Variants in PCDH9 observed in about 807,000 individuals in gnomAD.
PCDH9 encodes the protein protocadherin-9.
In PCDH9, 24 loss-of-function variants were observed where a neutral mutation model predicts 70.6. That is an observed-to-expected ratio of 0.34 (90% CI 0.25 to 0.48). The LOEUF is 0.48. PCDH9 is among the 20% of genes least tolerant of loss of function. The probability of loss-of-function intolerance (pLI) is 0.99; values close to 1 mark genes in which losing one functional copy is unlikely to be tolerated. For missense variants in PCDH9, 1,281 were observed against 1,503.6 expected, an observed-to-expected ratio of 0.85 and a Z score of 2.45; for synonymous variants, 562 against 558.5, an observed-to-expected ratio of 1.01 and a Z score of -0.09.
chr13:66,416,918 G>C (rs887049567), intron 4 of PCDH9, among the ~76,000 whole-genome samples: 1 of 152,166 alleles, frequency 6.6e-6, no homozygotes, highest in African/African-American at 2.4e-5. Flanking sequence ...AAGGAGATGT[G>C]CATCCCAAGG....
intron 3 of PCDH9, among the ~76,000 whole-genome samples, chr13:66,872,848 G>C (rs1328486024): frequency 6.6e-6 from 1 of 152,030 alleles, no homozygotes; most frequent in Non-Finnish European, 1.5e-5. Context: ...TCTGAAATCA[G>C]AAATATTTTT....
intron 3 of PCDH9, among the ~76,000 whole-genome samples, chr13:66,747,349 TCAAAA>T (rs60690085): frequency 0.06 from 8,790 of 147,232 alleles, 890 homozygotes; most frequent in African/African-American, 0.2. Flanking sequence ...AGACGCCATC[TCAAAA>T]CAAAACAAAA....
intron 3 of PCDH9, among the ~76,000 whole-genome samples, chr13:66,787,486 G>A (rs954663403): frequency 2.0e-5 from 3 of 151,722 alleles, no homozygotes; most frequent in Non-Finnish European, 2.9e-5. Flanking sequence ...CATGGTAGCG[G>A]GTACCTTTAA....
At chr13:66,965,412 A>G (rs2083414642) in intron 2 of PCDH9, among the ~76,000 whole-genome samples, 1 of 151,884 alleles carries the variant, frequency 6.6e-6, no homozygotes, top group Non-Finnish European at 1.5e-5. Flanking sequence ...AATTTATCCA[A>G]TTTTCATCTT....
At chr13:66,742,903 A>G (rs1411430368) in intron 3 of PCDH9, among the ~76,000 whole-genome samples, 161 of 120,912 alleles carry the variant, frequency 1.3e-3, no homozygotes, top group Admixed American at 2.7e-3. Context: ...GTGGGACTGT[A>G]AACTAGTTCA....
intron 4 of PCDH9, among the ~76,000 whole-genome samples, chr13:66,583,274 C>G (rs1018379771): frequency 1.3e-5 from 2 of 151,978 alleles, no homozygotes; most frequent in African/African-American, 4.8e-5. Context: ...TTAACTTACT[C>G]GATTATAATT....
chr13:66,795,003 A>ACACAC (rs1555269744), intron 3 of PCDH9, among the ~76,000 whole-genome samples: 3 of 151,626 alleles, frequency 2.0e-5, no homozygotes, highest in African/African-American at 4.8e-5. Context: ...ACACACACAC[A>ACACAC]AATTGAAATA....
intron 2 of PCDH9, among the ~76,000 whole-genome samples, chr13:67,093,678 G>C (rs995485784): frequency 6.6e-6 from 1 of 152,092 alleles, no homozygotes; most frequent in Admixed American, 6.6e-5. Context: ...GGCTACTAAA[G>C]TCAATACCTG....
At chr13:66,801,969 T>A (rs1296541206) in intron 3 of PCDH9, among the ~76,000 whole-genome samples, 1 of 150,752 alleles carries the variant, frequency 6.6e-6, no homozygotes, top group African/African-American at 2.4e-5. Context: ...ATTTCTAATT[T>A]TCATTGCATG....
intron 3 of PCDH9, among the ~76,000 whole-genome samples, chr13:66,696,427 C>T (rs888501361): frequency 3.9e-5 from 6 of 152,088 alleles, no homozygotes; most frequent in African/African-American, 1.2e-4. Flanking sequence ...ATAAGGTAAA[C>T]GTCTTAAAAT....
At chr13:66,967,910 T>C (rs2083456909) in intron 2 of PCDH9, among the ~76,000 whole-genome samples, 1 of 151,990 alleles carries the variant, frequency 6.6e-6, no homozygotes. Context: ...CTGGCATGTA[T>C]TCAGTTCATG....
Position 66,309,382 on chromosome 13 carries a change from T to C in PCDH9, c.3341-4354A>G, listed in dbSNP as rs959739398. 2.0e-5 allele frequency among the ~76,000 whole-genome samples: 3 copies of C among 151,790 alleles called. No individual in the cohort carries two copies. In the East Asian group the frequency reaches 5.8e-4, roughly 29 times the overall value. On this transcript the variant is annotated intron_variant, in intron 4 of 4. Transcript: ENST00000377865. ...TCGACTGGTCTCCTAAGTCAGTCCCTGCCCTATACATGTTTATAATCTGAT... is the reference window on the plus strand; with the variant it reads ...TCGACTGGTCTCCTAAGTCAGTCCCCGCCCTATACATGTTTATAATCTGAT...
chr13:66,841,048 T>C (rs945682111), intron 3 of PCDH9, among the ~76,000 whole-genome samples: 8 of 152,196 alleles, frequency 5.3e-5, no homozygotes, highest in Non-Finnish European at 1.2e-4. Flanking sequence ...ATGAGCAGCT[T>C]AAATAAAAAC....
intron 4 of PCDH9, among the ~76,000 whole-genome samples, chr13:66,569,883 C>T (rs188126083): frequency 5.3e-5 from 8 of 152,150 alleles, no homozygotes; most frequent in East Asian, 1.9e-4. Context: ...CTGCAATTGT[C>T]GTATGATTCC....
At chr13:66,850,830 G>T (rs1163478377) in intron 3 of PCDH9, among the ~76,000 whole-genome samples, 1 of 152,150 alleles carries the variant, frequency 6.6e-6, no homozygotes, top group Non-Finnish European at 1.5e-5. Flanking sequence ...AAATATTTCT[G>T]TTTGAAAATA....
At chr13:66,825,881 G>T (rs988253299) in intron 3 of PCDH9, among the ~76,000 whole-genome samples, 15 of 151,978 alleles carry the variant, frequency 9.9e-5, no homozygotes, top group African/African-American at 3.4e-4. Context: ...TATAGAAGAA[G>T]GTTATTCCTA....
chr13:66,412,807 G>A (rs1251258016), intron 4 of PCDH9, among the ~76,000 whole-genome samples: 2 of 152,156 alleles, frequency 1.3e-5, no homozygotes, highest in Non-Finnish European at 2.9e-5. Flanking sequence ...TGCTAATTGA[G>A]TAAAAGTAAT....
intron 2 of PCDH9, among the ~76,000 whole-genome samples, chr13:66,950,204 C>T (rs1365153470): frequency 2.6e-5 from 4 of 151,962 alleles, no homozygotes; most frequent in Admixed American, 2.0e-4. Context: ...CAATTTAATC[C>T]AACAAATTCC....
chr13:66,584,509 T>C (rs1042965885), intron 4 of PCDH9, among the ~76,000 whole-genome samples: 11 of 152,294 alleles, frequency 7.2e-5, no homozygotes, highest in African/African-American at 2.6e-4. Context: ...ATTGTCACCG[T>C]GCAATCCTTA....
Sources: allele counts gnomAD v4.1 joint callset (sites outside exome capture counted in the v4.1 genomes callset), GRCh38; gene constraint gnomAD v4.1.1; transcripts MANE v1.5; gene names NCBI Gene and HGNC (gene_info 2026-07-23, HGNC 2026-07-21).